The following RGS6 variants were observed in gnomAD, a reference collection of about 807,000 sequenced individuals.
RGS6 encodes regulator of G protein signaling 6.
Under a neutral mutation model 78.5 loss-of-function variants are expected in RGS6, and 30 were observed. The ratio of observed to expected loss-of-function variants is 0.38; its 90% CI spans 0.29 to 0.52. The LOEUF is 0.52. Among genes scored for constraint, RGS6 ranks in the 20% least tolerant of loss-of-function variants. RGS6 has a pLI of 0.85. For missense variants in RGS6, 495 were observed against 609.7 expected (o/e 0.81, Z 1.98); for synonymous variants, 206 against 206.0 (o/e 1.00, Z 0.00).
chr14:72,338,619 T>A (rs1009432202), intron 2 of RGS6, among the ~76,000 whole-genome samples: 2 of 152,236 alleles, frequency 1.3e-5, no homozygotes, highest in Admixed American at 1.3e-4. Flanking sequence ...GTAGGGGAGT[T>A]AAATGATCAT....
chr14:72,250,476 C>G (rs1339577010), intron 2 of RGS6, among the ~76,000 whole-genome samples: 1 of 149,204 alleles, frequency 6.7e-6, no homozygotes, highest in African/African-American at 2.5e-5. Flanking sequence ...TCCATTTAGT[C>G]TGGTATAACT....
intron 15 of RGS6, among the ~76,000 whole-genome samples, chr14:72,533,476 T>C (rs2097207838): frequency 2.0e-5 from 3 of 152,240 alleles, no homozygotes; most frequent in African/African-American, 2.4e-5. Context: ...ATTTCAACTT[T>C]TCAAGTCCTA....
chr14:71,942,754 T>C (rs1365664044), intron 1 of RGS6, among the ~76,000 whole-genome samples: 1 of 152,176 alleles, frequency 6.6e-6, no homozygotes, highest in Non-Finnish European at 1.5e-5. Context: ...AGAAAATATA[T>C]CTTTTCCTTC....
rs187932170 is a variant in RGS6, at chr14:71,999,586, C to A, written c.84+34711C>A. On this transcript the variant is annotated intron_variant, in intron 2 of 17. Coordinates refer to ENST00000553525, the MANE Select transcript of RGS6 (RefSeq NM_001204424.2). Reference sequence around the variant, plus strand: ...CATAACCTCAATGTTGGAGGTGGGGCCTGGTGGGAGGTGGTTGGATGGTGG... The same window carrying A: ...CATAACCTCAATGTTGGAGGTGGGGACTGGTGGGAGGTGGTTGGATGGTGG... Among the ~76,000 whole-genome samples, 51 of 152,176 alleles carry A rather than the reference C, an allele frequency of 3.4e-4. 2 individuals are homozygous for A. The highest frequency in any genetic ancestry group is 1.1e-3 in the African/African-American group (47 of 41,530).
At chr14:72,334,234 G>A (rs185094550) in intron 2 of RGS6, among the ~76,000 whole-genome samples, 92 of 152,362 alleles carry the variant, frequency 6.0e-4, no homozygotes, top group Middle Eastern at 3.4e-3. Flanking sequence ...AAAGCCAGGA[G>A]CCCACCCCCA....
At chr14:72,221,513 A>T (rs1401550016) in intron 2 of RGS6, among the ~76,000 whole-genome samples, 1 of 152,228 alleles carries the variant, frequency 6.6e-6, no homozygotes, top group Non-Finnish European at 1.5e-5. Flanking sequence ...TATAGAGGTC[A>T]TCTTGCACTC....
the RGS6 span, among the ~76,000 whole-genome samples, chr14:71,918,663 A>G: frequency 1.3e-5 from 2 of 152,178 alleles, no homozygotes; most frequent in East Asian, 3.8e-4. Context: ...CTCAGCATAA[A>G]TATTTATATG....
At chr14:72,106,370 G>T (rs2095632439) in intron 2 of RGS6, among the ~76,000 whole-genome samples, 1 of 152,184 alleles carries the variant, frequency 6.6e-6, no homozygotes. Flanking sequence ...TACTAAATCA[G>T]AAACTATGGA....
intron 2 of RGS6, among the ~76,000 whole-genome samples, chr14:72,265,718 C>T (rs2058936797): frequency 6.6e-6 from 1 of 152,020 alleles, no homozygotes; most frequent in African/African-American, 2.4e-5. Flanking sequence ...TAACCATTTC[C>T]CTCCTTCCCA....
At chr14:72,378,648 T>C (rs757698510) in intron 3 of RGS6, among the ~76,000 whole-genome samples, 12 of 151,668 alleles carry the variant, frequency 7.9e-5, no homozygotes, top group African/African-American at 2.2e-4. Flanking sequence ...CAAGAAGAAA[T>C]AGAAAACCTG....
At chr14:72,181,801 A>G (rs1324325655) in intron 2 of RGS6, among the ~76,000 whole-genome samples, 1 of 152,198 alleles carries the variant, frequency 6.6e-6, no homozygotes, top group African/African-American at 2.4e-5. Context: ...GCATTTGAGT[A>G]CCTACTATGT....
intron 2 of RGS6, among the ~76,000 whole-genome samples, chr14:71,974,516 G>T (rs1029705097): frequency 5.3e-5 from 8 of 152,136 alleles, no homozygotes. Context: ...TAGGGGGATA[G>T]GATTCACATT....
chr14:71,960,140 A>G (rs2093082830), intron 1 of RGS6, among the ~76,000 whole-genome samples: 1 of 152,220 alleles, frequency 6.6e-6, no homozygotes, highest in Non-Finnish European at 1.5e-5. Context: ...ATGCAGTGTC[A>G]GTTTGGAGTA....
chr14:72,586,217 T>C, the RGS6 span, among the ~76,000 whole-genome samples: 1 of 152,270 alleles, frequency 6.6e-6, no homozygotes, highest in Non-Finnish European at 1.5e-5. Context: ...CCTCACCAAG[T>C]CTCATGTTGA....
chr14:71,988,317 A>G (rs550890199), intron 2 of RGS6, among the ~76,000 whole-genome samples: 2 of 152,314 alleles, frequency 1.3e-5, no homozygotes, highest in Admixed American at 1.3e-4. Flanking sequence ...CCTATGGCTG[A>G]TGACATGTTA....
intron 1 of RGS6, among the ~76,000 whole-genome samples, chr14:71,962,493 T>C (rs1566916770): frequency 6.6e-6 from 1 of 152,260 alleles, no homozygotes; most frequent in Non-Finnish European, 1.5e-5. Context: ...TTTGTTTTCA[T>C]GCTCTGTTGT....
intron 2 of RGS6, among the ~76,000 whole-genome samples, chr14:72,202,106 A>G (rs1260112332): frequency 2.0e-5 from 3 of 152,204 alleles, no homozygotes; most frequent in Admixed American, 1.3e-4. Context: ...AAGTATTAAC[A>G]TGGTTAGCTA....
the RGS6 span, among the ~76,000 whole-genome samples, chr14:71,876,028 G>A: frequency 6.6e-6 from 1 of 152,136 alleles, no homozygotes; most frequent in Non-Finnish European, 1.5e-5. Context: ...TATAATTTCT[G>A]TTCTTTTACA....
intron 2 of RGS6, among the ~76,000 whole-genome samples, chr14:72,295,215 C>T (rs960623201): frequency 1.6e-3 from 236 of 149,372 alleles, no homozygotes; most frequent in African/African-American, 5.5e-3. Flanking sequence ...GGCGTGAACC[C>T]GGGAGGCGGA....
Sources: allele counts gnomAD v4.1 joint callset (sites outside exome capture counted in the v4.1 genomes callset), GRCh38; gene constraint gnomAD v4.1.1; transcripts MANE v1.5; gene names NCBI Gene and HGNC (gene_info 2026-07-23, HGNC 2026-07-21).